The following PADI6 variants were observed in gnomAD, a reference collection of about 807,000 sequenced individuals.
PADI6 encodes the protein peptidyl arginine deiminase 6.
PADI6 carries 66 observed loss-of-function variants against 78.2 expected under a neutral mutation model. The ratio of observed to expected loss-of-function variants is 0.84; its 90% CI spans 0.69 to 1.04. The LOEUF (loss-of-function observed/expected upper bound fraction) is 1.04. Among genes scored for constraint, PADI6 ranks in the 50% least tolerant of loss-of-function variants. The pLI is 0.00. For synonymous variants in PADI6, 397 were observed against 346.9 expected (o/e 1.14, Z -1.60); for missense variants, 854 against 866.1 (o/e 0.99, Z 0.18).
rs1201535344 is a variant in PADI6 at position 17,394,565 on chromosome 1, C to CT, written c.1337+113dup. On this transcript the variant is annotated intron_variant, in intron 11 of 15. Transcript: ENST00000619609. The stretch of plus-strand genomic sequence containing the variant: ...GCAGGTCACACACACTGGACCATTT[C>CT]TTAAACTGAAGACATTTGAGCTTTT... The CT allele has an allele frequency of 7.6e-6, 9 of 1,187,990 alleles. No individual in the cohort carries two copies. In the East Asian group the frequency reaches 1.8e-4, roughly 24 times the overall value. 73.6% of individuals were successfully genotyped at this position (1,187,990 alleles called of 1,614,324 possible). A position where few individuals can be genotyped will look rare whatever the true frequency, so the allele number is the denominator to read the frequency against.
chr1:17,383,906 C>T (rs757385195), intron 6 of PADI6, among the ~76,000 whole-genome samples: 9 of 147,704 alleles, frequency 6.1e-5, no homozygotes, highest in African/African-American at 7.5e-5. Context: ...CCCAACACTT[C>T]GGGAGGCCAA....
intron 2 of PADI6, among the ~76,000 whole-genome samples, chr1:17,374,832 T>C (rs1302995688): frequency 6.6e-6 from 1 of 152,120 alleles, no homozygotes; most frequent in Non-Finnish European, 1.5e-5. Flanking sequence ...GGGTCTCTGG[T>C]TCATGACCAA....
At chr1:17,390,307 A>G (rs1239480267) in intron 8 of PADI6, among the ~76,000 whole-genome samples, 2 of 151,836 alleles carry the variant, frequency 1.3e-5, no homozygotes, top group South Asian at 2.1e-4. Context: ...CTCAAAAACA[A>G]AAAATAAAAT....
intron 11 of PADI6, 27 bp downstream of exon 11, chr1:17,394,481 A>G (rs773642836): frequency 8.1e-6 from 13 of 1,606,206 alleles, no homozygotes; most frequent in African/African-American, 2.7e-5. Context: ...GACGCCTCCA[A>G]ATGAAAGGAA....
At chr1:17,381,548 G>A (rs1043383454) in intron 5 of PADI6, among the ~76,000 whole-genome samples, 8 of 152,314 alleles carry the variant, frequency 5.3e-5, no homozygotes, top group Admixed American at 3.9e-4. Flanking sequence ...TCATAGTCTG[G>A]GCCAGGAACC....
intron 3 of PADI6, among the ~76,000 whole-genome samples, chr1:17,375,935 A>C (rs1301774673): frequency 6.6e-6 from 1 of 151,744 alleles, no homozygotes; most frequent in Non-Finnish European, 1.5e-5. Context: ...CGCCCTCTAG[A>C]TCACCCCCAT....
In PADI6 at chr1:17,398,648, T is replaced by TC. The variant is rs747994678; in HGVS notation, c.1690-33dup. The TC allele has an allele frequency of 1.7e-4, 33 of 194,660 alleles. 3 individuals carry two copies. Among genetic ancestry groups the TC allele is most frequent in the South Asian group, 5.0e-4 (8 of 15,864 alleles). 12.1% of individuals were successfully genotyped at this position (194,660 alleles called of 1,614,324 possible). A position where few individuals can be genotyped will look rare whatever the true frequency, so the allele number is the denominator to read the frequency against. ...TTAATTCCTGATGAGCTCTCCTTGCTCCCCCGCCCCCCCCCCCACCCACCC... is the reference window on the plus strand; with the variant it reads ...TTAATTCCTGATGAGCTCTCCTTGCTCCCCCCGCCCCCCCCCCCACCCACCC... On this transcript the variant is annotated intron_variant, in intron 14 of 15. Coordinates refer to ENST00000619609, the MANE Select transcript of PADI6 (RefSeq NM_207421.4).
chr1:17,380,769 C>G (rs769296202), intron 4 of PADI6, among the ~76,000 whole-genome samples: 1 of 152,148 alleles, frequency 6.6e-6, no homozygotes, highest in South Asian at 2.1e-4. Flanking sequence ...CCAGGTGGCA[C>G]GTCTCTTTTC....
At chr1:17,399,110 C>CCA (rs1182391665) in intron 15 of PADI6, among the ~76,000 whole-genome samples, 3 of 152,124 alleles carry the variant, frequency 2.0e-5, no homozygotes, top group African/African-American at 7.2e-5. Flanking sequence ...CCTCAGTGAG[C>CCA]TGCGCCCCCA....
chr1:17,379,806 A>T (rs1489283609), intron 3 of PADI6, 114 bp from the exon 4 acceptor site: 1 of 814,778 alleles, frequency 1.2e-6, no homozygotes, highest in East Asian at 2.6e-5. Flanking sequence ...AGCATGCCAG[A>T]AAGGCTAGAT....
intron 3 of PADI6, among the ~76,000 whole-genome samples, chr1:17,377,372 A>G (rs1271134811): frequency 2.0e-5 from 3 of 150,338 alleles, no homozygotes; most frequent in Non-Finnish European, 4.5e-5. Context: ...AACCCTTTGG[A>G]GCTCAGAGGA....
intron 8 of PADI6, among the ~76,000 whole-genome samples, chr1:17,390,782 A>G (rs1252729902): frequency 2.6e-5 from 4 of 152,198 alleles, no homozygotes; most frequent in African/African-American, 9.7e-5. Context: ...CAAAAGACAT[A>G]AAGCAGAGAG....
At chr1:17,398,379 A>C (rs2075266986) in intron 14 of PADI6, among the ~76,000 whole-genome samples, 1 of 152,010 alleles carries the variant, frequency 6.6e-6, no homozygotes, top group Non-Finnish European at 1.5e-5. Flanking sequence ...CTATTTCAAG[A>C]CCTAGGGAGA....
At chr1:17,383,673 C>A (rs995726546) in intron 6 of PADI6, among the ~76,000 whole-genome samples, 2 of 151,554 alleles carry the variant, frequency 1.3e-5, no homozygotes, top group African/African-American at 4.9e-5. Context: ...CATGGCGAAA[C>A]CCTGTCTCTA....
At chr1:17,387,580 G>A (rs900568834) in intron 6 of PADI6, among the ~76,000 whole-genome samples, 2 of 151,904 alleles carry the variant, frequency 1.3e-5, no homozygotes, top group South Asian at 2.1e-4. Flanking sequence ...GTGAAATCCC[G>A]TCTCTACTAA....
At position 17,401,558 on chromosome 1, in the gene PADI6, T is replaced by C. The variant is rs1570157960; in HGVS notation, c.*120T>C. On this transcript the variant is annotated 3_prime_UTR_variant, in exon 16 of 16. Coordinates refer to ENST00000619609, the MANE Select transcript of PADI6 (RefSeq NM_207421.4). ...GAGTCCAGGCAACAGAACCCTTTCT[T>C]CCCTGTCTGCCCCGACCGACCCTCG... 3 of 955,114 alleles carry C rather than the reference T, an allele frequency of 3.1e-6. No individual in the cohort carries two copies. The highest frequency in any genetic ancestry group is 3.3e-5 in the African/African-American group (2 of 60,624). The allele number at this position is 955,114 out of a possible 1,614,324, so 59.2% of individuals were successfully genotyped here. A position where few individuals can be genotyped will look rare whatever the true frequency, so the allele number is the denominator to read the frequency against.
chr1:17,392,059 A>G, intron 8 of PADI6, 55 bp from the exon 9 acceptor site: 1 of 1,435,692 alleles, frequency 7.0e-7, no homozygotes, highest in Admixed American at 2.0e-5. Flanking sequence ...AGGAGGTCAT[A>G]ACCAGTAAGG....
At chr1:17,390,853 T>C (rs1435964218) in intron 8 of PADI6, among the ~76,000 whole-genome samples, 1 of 152,192 alleles carries the variant, frequency 6.6e-6, no homozygotes, top group African/African-American at 2.4e-5. Context: ...CTACTTGTTC[T>C]TCAAAGAAAC....
At chr1:17,376,018 AGGCTGGAGTACAGT>A (rs1247446677) in intron 3 of PADI6, among the ~76,000 whole-genome samples, 2 of 151,000 alleles carry the variant, frequency 1.3e-5, no homozygotes, top group Non-Finnish European at 2.9e-5. Flanking sequence ...ACTGTCACTC[AGGCTGGAGTACAGT>A]GGCATGATCT....
Sources: gnomAD v4.1 joint callset for allele counts (sites outside exome capture counted in the v4.1 genomes callset) on GRCh38, gnomAD v4.1.1 for gene constraint, MANE v1.5 for transcripts, NCBI Gene and HGNC (gene_info 2026-07-23, HGNC 2026-07-21) for gene names.